The following SGCZ variants were observed in gnomAD, a reference collection of about 807,000 sequenced individuals.
SGCZ encodes the protein zeta-sarcoglycan.
Under a neutral mutation model 41.3 loss-of-function variants are expected in SGCZ, and 40 were observed. The observed-to-expected ratio is 0.97, with a 90% confidence interval of 0.75 to 1.26. SGCZ has a LOEUF of 1.26. SGCZ is among the 50% of genes most tolerant of loss of function. The pLI, the probability that SGCZ is intolerant of heterozygous loss-of-function variation, is 0.00. For synonymous variants in SGCZ, 206 were observed against 137.5 expected, an observed-to-expected ratio of 1.50 and a Z score of -3.49; for missense variants, 552 against 369.8, an observed-to-expected ratio of 1.49 and a Z score of -4.04.
intron 3 of SGCZ, among the ~76,000 whole-genome samples, chr8:14,317,941 A>G (rs188533230): frequency 6.6e-6 from 1 of 152,142 alleles, no homozygotes; most frequent in East Asian, 1.9e-4. Context: ...TTTCAAAAAT[A>G]GCAAAAACAA....
intron 2 of SGCZ, among the ~76,000 whole-genome samples, chr8:14,420,337 T>C (rs1357178421): frequency 6.6e-6 from 1 of 152,094 alleles, no homozygotes; most frequent in Non-Finnish European, 1.5e-5. Flanking sequence ...TAACCATCAC[T>C]AATTATTGCT....
intron 2 of SGCZ, among the ~76,000 whole-genome samples, chr8:14,414,773 A>C (rs938249809): frequency 6.6e-6 from 1 of 151,952 alleles, no homozygotes; most frequent in East Asian, 1.9e-4. Context: ...TAGGACATGA[A>C]GAGACAGGTA....
intron 1 of SGCZ, among the ~76,000 whole-genome samples, chr8:14,765,523 C>T (rs906339287): frequency 5.3e-5 from 8 of 152,156 alleles, no homozygotes; most frequent in Non-Finnish European, 1.0e-4. Flanking sequence ...TACAAATGCA[C>T]TGTTTCCTGG....
At chr8:14,853,735 G>A (rs920204245) in intron 1 of SGCZ, among the ~76,000 whole-genome samples, 1 of 151,982 alleles carries the variant, frequency 6.6e-6, no homozygotes, top group Admixed American at 6.6e-5. Context: ...CTTTCCTAGT[G>A]AAACGCTTGG....
chr8:14,178,089 C>G (rs746078690), intron 4 of SGCZ, among the ~76,000 whole-genome samples: 1 of 151,084 alleles, frequency 6.6e-6, no homozygotes, highest in Non-Finnish European at 1.5e-5. Context: ...TCCCTAGTAA[C>G]TGAGATTACA....
chr8:14,584,937 C>G (rs977167205), intron 1 of SGCZ, among the ~76,000 whole-genome samples: 1 of 152,072 alleles, frequency 6.6e-6, no homozygotes, highest in Non-Finnish European at 1.5e-5. Context: ...AATCTTAAGA[C>G]TTATAAAGCA....
intron 2 of SGCZ, among the ~76,000 whole-genome samples, chr8:14,550,963 A>G (rs560165619): frequency 1.6e-4 from 25 of 152,082 alleles, no homozygotes; most frequent in African/African-American, 5.8e-4. Flanking sequence ...TTTCTTCCCA[A>G]TGATCACGCA....
intron 1 of SGCZ, among the ~76,000 whole-genome samples, chr8:14,617,007 T>C (rs1042613164): frequency 6.6e-6 from 1 of 152,034 alleles, no homozygotes; most frequent in East Asian, 1.9e-4. Flanking sequence ...TTGATGTATT[T>C]GTAGTAAGAA....
chr8:14,780,438 T>C (rs922950434), intron 1 of SGCZ, among the ~76,000 whole-genome samples: 5 of 151,360 alleles, frequency 3.3e-5, no homozygotes, highest in South Asian at 2.1e-4. Flanking sequence ...CTCTGAAATA[T>C]AGACATATTG....
At chr8:14,931,540 T>C (rs1799922559) in intron 1 of SGCZ, among the ~76,000 whole-genome samples, 1 of 152,000 alleles carries the variant, frequency 6.6e-6, no homozygotes, top group African/African-American at 2.4e-5. Flanking sequence ...AGCATAACCT[T>C]GAATTTTTTA....
chr8:15,082,750 A>C (rs149123479), intron 1 of SGCZ, among the ~76,000 whole-genome samples: 1 of 152,260 alleles, frequency 6.6e-6, no homozygotes, highest in East Asian at 1.9e-4. Flanking sequence ...CCTTCTTATT[A>C]AGTCAATATG....
intron 4 of SGCZ, among the ~76,000 whole-genome samples, chr8:14,225,446 A>G (rs1437994405): frequency 6.6e-6 from 1 of 151,320 alleles, no homozygotes; most frequent in Non-Finnish European, 1.5e-5. Context: ...ATTGAGGCTG[A>G]GATAAATGAC....
intron 1 of SGCZ, among the ~76,000 whole-genome samples, chr8:14,802,719 G>C (rs930598923): frequency 6.6e-6 from 1 of 152,130 alleles, no homozygotes; most frequent in African/African-American, 2.4e-5. Context: ...ATATATTATG[G>C]TGTTTTAGCA....
chr8:14,938,172 A>G (rs980035422), intron 1 of SGCZ, among the ~76,000 whole-genome samples: 1 of 152,222 alleles, frequency 6.6e-6, no homozygotes, highest in East Asian at 1.9e-4. Context: ...GTTGAAATAC[A>G]TTATGTTCAT....
At chr8:14,815,243 CTT>C (rs35797553) in intron 1 of SGCZ, among the ~76,000 whole-genome samples, 3 of 143,930 alleles carry the variant, frequency 2.1e-5, no homozygotes, top group African/African-American at 5.0e-5. Flanking sequence ...TCTCAATTTT[CTT>C]TTTTTTTTTT....
At chr8:14,142,844 C>G (rs1410985111) in intron 5 of SGCZ, among the ~76,000 whole-genome samples, 1 of 152,066 alleles carries the variant, frequency 6.6e-6, no homozygotes, top group African/African-American at 2.4e-5. Context: ...CCCTTGCTCT[C>G]TTCCTCCTGC....
chr8:14,813,262 T>G (rs985467381), intron 1 of SGCZ, among the ~76,000 whole-genome samples: 3 of 152,172 alleles, frequency 2.0e-5, no homozygotes, highest in Admixed American at 2.0e-4. Flanking sequence ...CAGGAATACA[T>G]GTACATTGTA....
intron 1 of SGCZ, among the ~76,000 whole-genome samples, chr8:14,586,490 G>A (rs1354098217): frequency 6.6e-6 from 1 of 152,112 alleles, no homozygotes; most frequent in Non-Finnish European, 1.5e-5. Flanking sequence ...TGGGATTGCA[G>A]GCATTAGCCA....
intron 2 of SGCZ, among the ~76,000 whole-genome samples, chr8:14,370,714 A>AT (rs1803879400): frequency 1.3e-5 from 2 of 151,902 alleles, no homozygotes; most frequent in South Asian, 2.1e-4. Flanking sequence ...GCGAGACTTG[A>AT]TTTTTTTCTG....
Sources: gnomAD v4.1 joint callset for allele counts (sites outside exome capture counted in the v4.1 genomes callset) on GRCh38, gnomAD v4.1.1 for gene constraint, MANE v1.5 for transcripts, NCBI Gene and HGNC (gene_info 2026-07-23, HGNC 2026-07-21) for gene names.